MAN2B1: variants seen among roughly 807,000 people sequenced by gnomAD.
MAN2B1 encodes the protein mannosidase alpha class 2B member 1.
Under a neutral mutation model 127.5 loss-of-function variants are expected in MAN2B1, and 99 were observed. The ratio of observed to expected loss-of-function variants is 0.78; its 90% CI spans 0.66 to 0.92. MAN2B1 has a LOEUF of 0.92. MAN2B1 is among the 40% of genes least tolerant of loss of function. MAN2B1 has a pLI of 0.00. For synonymous variants in MAN2B1, 573 were observed against 568.8 expected (o/e 1.01, Z -0.11); for missense variants, 1,304 against 1,384.8 (o/e 0.94, Z 0.93).
In MAN2B1 at chr19:12,648,273, G is replaced by A; in HGVS notation, c.2566C>T (p.His856Tyr). Residue 856 changes from histidine to tyrosine, a missense_variant, in exon 21 of 24, where the codon CAC becomes TAC. Coordinates refer to ENST00000456935, the MANE Select transcript of MAN2B1 (RefSeq NM_000528.4). ...LDTAQAAAAG[H>Y]RLLAEQEVLA... is the part of the protein sequence containing the mutation. ...ACCTCCTGCTCCGCCAGGAGCCGGTGTCCGGCGGCTGCAGCCTGGGCTGTG... is the reference window on the plus strand; with the variant it reads ...ACCTCCTGCTCCGCCAGGAGCCGGTATCCGGCGGCTGCAGCCTGGGCTGTG... The A allele has an allele frequency of 6.2e-7, 1 of 1,609,106 alleles. No individual in the cohort carries two copies. Among genetic ancestry groups the A allele is most frequent in the Non-Finnish European group, 8.5e-7 (1 of 1,178,880 alleles).
In MAN2B1 at chr19:12,663,722, C is replaced by T. The variant is rs3745649; in HGVS notation, c.744G>A (p.Pro248=). The T allele has an allele frequency of 1.1e-4, 175 of 1,612,522 alleles. No individual in the cohort carries two copies. Among genetic ancestry groups the T allele is most frequent in the Non-Finnish European group, 1.4e-4 (162 of 1,179,586 alleles). ...VWRASTSLKP[P]TADLFTGVLP... Reference sequence around the variant, plus strand: ...CCCTACCAGTGAAGAGGTCCGCGGTCGGGGGCTTCAGGCTGGTGCTGGCCC... The same window carrying T: ...CCCTACCAGTGAAGAGGTCCGCGGTTGGGGGCTTCAGGCTGGTGCTGGCCC... The change falls in exon 5 of 24, where the codon CCG becomes CCA. Residue 248 remains proline, a synonymous_variant. Transcript: ENST00000456935.
Position 12,658,488 on chromosome 19 carries a change from T to C in MAN2B1, c.1049A>G (p.His350Arg), listed in dbSNP as rs1244292112. 1 of 1,614,074 alleles carries C rather than the reference T, an allele frequency of 6.2e-7. No homozygotes were observed. The highest frequency in any genetic ancestry group is 1.3e-5 in the African/African-American group (1 of 74,936). The change falls in exon 8 of 24, where the codon CAT (histidine) becomes CGT (arginine). Residue 350 changes from histidine to arginine, a missense_variant. By Grantham distance (29) the His-to-Arg change is conservative. Coordinates refer to ENST00000456935, the MANE Select transcript of MAN2B1 (RefSeq NM_000528.4). ...NAQQAKGSSV[H>R]VLYSTPACYL... ...ACAAGCGGGGGTGGAGTAGAGAACA[T>C]GGACACTGCTTCCTTTTGCCTGCTG...
chr19:12,656,974 C>T lies in MAN2B1; in HGVS notation c.1502G>A (p.Cys501Tyr). The T allele has an allele frequency of 6.2e-7, 1 of 1,613,644 alleles. No individual in the cohort carries two copies. Among genetic ancestry groups the T allele is most frequent in the Non-Finnish European group, 8.5e-7 (1 of 1,179,964 alleles). The change falls in exon 12 of 24, where the codon TGC becomes TAC. Residue 501 changes from cysteine (C) to tyrosine (Y), a missense_variant. Physicochemically the swap from Cys to Tyr is radical, Grantham distance 194. Coordinates refer to ENST00000456935, the MANE Select transcript of MAN2B1 (RefSeq NM_000528.4). ...GCGCGCCGCCGTCTGGCTGAGCGGG[C>T]AGATGCTGATGTTTAGCTGTTGGCA... ...TFCQQLNISICPLSQTAARFQ... is the reference protein window; with the variant it reads ...TFCQQLNISIYPLSQTAARFQ...
chr19:12,666,335 G>A (rs1433698668), intron 1 of MAN2B1, among the ~76,000 whole-genome samples: 1 of 152,076 alleles, frequency 6.6e-6, no homozygotes, highest in Non-Finnish European at 1.5e-5. Context: ...GCATCCCGGA[G>A]ACACGGAGGC....
chr19:12,663,885 AC>A (rs1177554833), intron 4 of MAN2B1, 50 bp from the exon 5 acceptor site: 1 of 1,612,736 alleles, frequency 6.2e-7, no homozygotes, highest in South Asian at 1.1e-5. Context: ...CAGCCCTCTC[AC>A]CACCAAACTC....
In MAN2B1 at chr19:12,646,720, T is replaced by G; in HGVS notation, c.2936A>C (p.His979Pro). ...KWTTNTGPTP[H>P]QTPYQLDPAN... ...CGGGTCCAGCTGGTACGGAGTTTGGTGGGGTGTGGGGCCTGGAGAGGTGCA... is the reference window on the plus strand; with the variant it reads ...CGGGTCCAGCTGGTACGGAGTTTGGGGGGGTGTGGGGCCTGGAGAGGTGCA... Residue 979 changes from histidine (H) to proline (P), a missense_variant, in exon 24 of 24, where the codon CAC becomes CCC. His to Pro is a moderately conservative substitution (Grantham distance 77, BLOSUM62 -2). Transcript: ENST00000456935. The G allele has an allele frequency of 6.2e-7, 1 of 1,613,340 alleles. No homozygotes were observed. The highest frequency in any genetic ancestry group is 8.5e-7 in the Non-Finnish European group (1 of 1,179,404).
intron 13 of MAN2B1, 106 bp downstream of exon 13, chr19:12,656,465 A>G (rs751717651): frequency 7.7e-6 from 6 of 779,464 alleles, no homozygotes; most frequent in Non-Finnish European, 1.4e-5. Context: ...AGAGATATGC[A>G]TGAGTGGGAG....
chr19:12,653,110 A>C (rs993147572), intron 14 of MAN2B1, among the ~76,000 whole-genome samples: 9 of 148,850 alleles, frequency 6.0e-5, no homozygotes, highest in Non-Finnish European at 1.2e-4. Context: ...CTGGGATTAC[A>C]GGCGTGAGCC....
chr19:12,649,607 G>A (rs573921691), intron 18 of MAN2B1, among the ~76,000 whole-genome samples, 179 bp from the exon 19 acceptor site: 3 of 149,954 alleles, frequency 2.0e-5, no homozygotes, highest in Non-Finnish European at 3.0e-5. Context: ...TCAGCCTCCC[G>A]AGTAGCTGGG....
At position 12,663,425 on chromosome 19, in the gene MAN2B1, C is replaced by T; in HGVS notation, c.801G>A (p.Leu267=). ...GATCGACACACAGCACATCCCAGCACAGATTCCTTGGCGGGTTGTAACCAT... is the reference window on the plus strand; with the variant it reads ...GATCGACACACAGCACATCCCAGCATAGATTCCTTGGCGGGTTGTAACCAT... ...LPNGYNPPRN[L]CWDVLCVDQP... Residue 267 remains leucine, a synonymous_variant, in exon 6 of 24, where the codon CTG becomes CTA. Coordinates refer to ENST00000456935, the MANE Select transcript of MAN2B1 (RefSeq NM_000528.4). 1 of 1,614,104 alleles carries T rather than the reference C, an allele frequency of 6.2e-7. No homozygotes were observed. The highest frequency in any genetic ancestry group is 8.5e-7 in the Non-Finnish European group (1 of 1,179,976).
Position 12,646,535 on chromosome 19 carries a change from A to G in MAN2B1, c.*85T>C. The stretch of plus-strand genomic sequence containing the variant: ...CCTGAGTCTTAGTAGTAGCGTTTTA[A>G]TGGCAGCAGCCCCAAGAGGAGAGTC... On this transcript the variant is annotated 3_prime_UTR_variant, in exon 24 of 24. Coordinates refer to ENST00000456935, the MANE Select transcript of MAN2B1 (RefSeq NM_000528.4). 9.4e-7 allele frequency: 1 copy of G among 1,059,622 alleles called. No homozygotes were observed. Among genetic ancestry groups the G allele is most frequent in the Non-Finnish European group, 1.5e-6 (1 of 681,168 alleles). 65.6% of individuals were successfully genotyped at this position (1,059,622 alleles called of 1,614,324 possible).
intron 3 of MAN2B1, 71 bp from the exon 4 acceptor site, chr19:12,665,056 GA>G: frequency 7.2e-7 from 1 of 1,379,748 alleles, no homozygotes; most frequent in South Asian, 1.2e-5. Context: ...GTGATACTGG[GA>G]ATGTGAAAGC....
Position 12,666,723 on chromosome 19 carries a change from G to A in MAN2B1, c.-22C>T, listed in dbSNP as rs1474501856. ...CCATGGCTCAGCAGCTTCCTCCTGGGGTTCCCCGGCCCTGGAAAGGCCGGG... is the reference window on the plus strand; with the variant it reads ...CCATGGCTCAGCAGCTTCCTCCTGGAGTTCCCCGGCCCTGGAAAGGCCGGG... On this transcript the variant is annotated 5_prime_UTR_variant, in exon 1 of 24. Coordinates refer to ENST00000456935, the MANE Select transcript of MAN2B1 (RefSeq NM_000528.4). 6.5e-6 allele frequency: 10 copies of A among 1,546,054 alleles called. No homozygotes were observed. The highest frequency in any genetic ancestry group is 8.7e-6 in the Non-Finnish European group (10 of 1,145,998).
rs1322198938 is a variant in MAN2B1, at chr19:12,666,735, C to T, written c.-34G>A. The T allele has an allele frequency of 6.5e-7, 1 of 1,541,986 alleles. No individual in the cohort carries two copies. Among genetic ancestry groups the T allele is most frequent in the Non-Finnish European group, 8.7e-7 (1 of 1,144,564 alleles). On this transcript the variant is annotated 5_prime_UTR_variant, in exon 1 of 24. Transcript: ENST00000456935. Reference sequence around the variant, plus strand: ...AGCTTCCTCCTGGGGTTCCCCGGCCCTGGAAAGGCCGGGCAAACGCCCCGC... The same window carrying T: ...AGCTTCCTCCTGGGGTTCCCCGGCCTTGGAAAGGCCGGGCAAACGCCCCGC...
At position 12,650,026 on chromosome 19, in the gene MAN2B1, G is replaced by C. The variant is rs771668348; in HGVS notation, c.2166-12C>G. The C allele has an allele frequency of 1.5e-5, 24 of 1,613,020 alleles. 1 individual carries two copies. The Middle Eastern group carries it at 8.2e-4, about 55-fold the overall frequency. On this transcript the variant is annotated splice_polypyrimidine_tract_variant and intron_variant, in intron 17 of 23. Coordinates refer to ENST00000456935, the MANE Select transcript of MAN2B1 (RefSeq NM_000528.4). ...TCCCCCAGGTGTCGCTGTACCCAAT[G>C]GGATGGCAAGGTTGTGAGCCTTGGA... is the stretch of plus-strand genomic sequence containing the variant.
chr19:12,657,874 G>C, intron 10 of MAN2B1, 189 bp downstream of exon 10: 1 of 642,428 alleles, frequency 1.6e-6, no homozygotes, highest in South Asian at 1.9e-5. Flanking sequence ...AGAATGGCGT[G>C]AACACGGGAG....
At position 12,657,751 on chromosome 19, in the gene MAN2B1, C is replaced by T. The variant is rs566522241; in HGVS notation, c.1310-196G>A. Reference sequence around the variant, plus strand: ...AGGCGGGCGGATCACGAGGTCAGATCGAGACCATCCTGGCTAACATGGTGA... The same window carrying T: ...AGGCGGGCGGATCACGAGGTCAGATTGAGACCATCCTGGCTAACATGGTGA... On this transcript the variant is annotated intron_variant, in intron 10 of 23. Transcript: ENST00000456935. 1.1e-4 allele frequency: 67 copies of T among 631,218 alleles called. 1 individual carries two copies. In the East Asian group the frequency reaches 1.3e-3, roughly 13 times the overall value. 39.1% of individuals were successfully genotyped at this position (631,218 alleles called of 1,614,324 possible).
rs1349746968 is a variant in MAN2B1 at position 12,646,558 on chromosome 19, G to A, written c.*62C>T. On this transcript the variant is annotated 3_prime_UTR_variant, in exon 24 of 24. Transcript: ENST00000456935. ...TAATGGCAGCAGCCCCAAGAGGAGA[G>A]TCAGAGTCTGGTCTGCCCCCGGAGC... is the stretch of plus-strand genomic sequence containing the variant. The A allele has an allele frequency of 1.9e-5, 24 of 1,260,274 alleles. No homozygotes were observed. In the East Asian group the frequency reaches 5.1e-4, roughly 27 times the overall value. The allele number at this position is 1,260,274 out of a possible 1,614,324, so 78.1% of individuals were successfully genotyped here. A position where few individuals can be genotyped will look rare whatever the true frequency, so the allele number is the denominator to read the frequency against.
chr19:12,652,233 C>T lies in MAN2B1; in HGVS notation c.1966G>A (p.Ala656Thr). The change falls in exon 16 of 24, where the codon GCC (alanine) becomes ACC (threonine). Residue 656 changes from alanine (A) to threonine (T), a missense_variant. Coordinates refer to ENST00000456935, the MANE Select transcript of MAN2B1 (RefSeq NM_000528.4). The part of the protein sequence containing the change: ...ASIGDNESDQ[A>T]SGAYIFRPNQ... ...GGTCTGAAGATGTAGGCACCTGAGG[C>T]CTGGTCACTTTCGTTGTCACCTATA... The T allele has an allele frequency of 6.2e-7, 1 of 1,614,190 alleles. No individual in the cohort carries two copies.
Sources: gnomAD v4.1 joint callset for allele counts (sites outside exome capture counted in the v4.1 genomes callset) on GRCh38, gnomAD v4.1.1 for gene constraint, MANE v1.5 for transcripts, NCBI Gene and HGNC (gene_info 2026-07-23, HGNC 2026-07-21) for gene names.